Variants in RYR1 observed in about 807,000 individuals in gnomAD.
The protein encoded by RYR1 is ryanodine receptor 1.
RYR1 carries 342 observed loss-of-function variants against 583.5 expected under a neutral mutation model. The ratio of observed to expected loss-of-function variants is 0.59; its 90% CI spans 0.54 to 0.64. The LOEUF is 0.64. RYR1 is among the 30% of genes least tolerant of loss of function. RYR1 has a pLI of 0.00. For missense variants in RYR1, 6,032 were observed against 6,917.2 expected (o/e 0.87, Z 4.54); for synonymous variants, 2,791 against 2,822.5 (o/e 0.99, Z 0.35).
chr19:38,484,588 A>G (rs909882552), intron 33 of RYR1, among the ~76,000 whole-genome samples: 1 of 152,144 alleles, frequency 6.6e-6, no homozygotes, highest in Non-Finnish European at 1.5e-5. Flanking sequence ...TAATGCTTGT[A>G]CATAACTCAG....
intron 84 of RYR1, among the ~76,000 whole-genome samples, chr19:38,539,100 T>C (rs1358758246): frequency 6.6e-6 from 1 of 152,200 alleles, no homozygotes; most frequent in African/African-American, 2.4e-5. Context: ...TTTGTAAATA[T>C]CTTTAATCTT....
At chr19:38,563,823 A>G (rs993317868) in intron 90 of RYR1, among the ~76,000 whole-genome samples, 3 of 152,176 alleles carry the variant, frequency 2.0e-5, no homozygotes, top group Admixed American at 2.0e-4. Flanking sequence ...AAACACATCC[A>G]TTCTGGAGCC....
At position 38,500,998 on chromosome 19, in the gene RYR1, A is replaced by C. The variant is rs1600826316; in HGVS notation, c.7614+8A>C. The C allele has an allele frequency of 6.2e-7, 1 of 1,611,984 alleles. No individual in the cohort carries two copies. On this transcript the variant is annotated splice_region_variant and intron_variant, in intron 47 of 105. Transcript: ENST00000359596. This position sits in a 1 kb window ranked among gnomAD's most constrained non-coding sequence, Gnocchi z 5.9. ...GCCGCCTCGCTGGACACGGTGAGCA[A>C]CCCTGCCCAGCCTGGCCACCCTCCC...
Position 38,496,850 on chromosome 19 carries a change from GC to G in RYR1, c.6797-6del, listed in dbSNP as rs1969854685. ...GAGTGAGATGTTCTCCCCACCTCTC[GC>G]CCCTGCAGGCATGCAGGGCTCCACG... On this transcript the variant is annotated splice_polypyrimidine_tract_variant and intron_variant, in intron 41 of 105. Coordinates refer to ENST00000359596, the MANE Select transcript of RYR1 (RefSeq NM_000540.3). The surrounding 1 kb of genome is among the most constrained non-coding windows in gnomAD (Gnocchi z 4.8). The G allele has an allele frequency of 6.2e-7, 1 of 1,609,392 alleles. No homozygotes were observed. The highest frequency in any genetic ancestry group is 8.5e-7 in the Non-Finnish European group (1 of 1,176,394).
chr19:38,492,500 A>G lies in RYR1; in HGVS notation c.6138A>G (p.Leu2046=), dbSNP rs551228795. 251 of 1,614,160 alleles carry G rather than the reference A, an allele frequency of 1.6e-4. 3 individuals are homozygous for G. The South Asian group carries it at 2.4e-3, about 16-fold the overall frequency. ...QDLLAHCGIQ[L]DGEEEEPEEE... ...CTTGACCACTTCCAGGAATTCAGCT[A>G]GATGGAGAGGAGGAGGAACCAGAGG... is the stretch of plus-strand genomic sequence containing the variant. Residue 2046 remains leucine, a synonymous_variant, in exon 38 of 106, where the codon CTA becomes CTG. Transcript: ENST00000359596.
chr19:38,586,214 C>G, intron 104 of RYR1, 23 bp downstream of exon 104: 1 of 1,604,972 alleles, frequency 6.2e-7, no homozygotes, highest in Non-Finnish European at 8.5e-7. Flanking sequence ...ACTGGCCAGT[C>G]AGGAGGGTGG....
Position 38,565,759 on chromosome 19 carries a change from G to C in RYR1, c.13425G>C (p.Lys4475Asn). Residue 4475 changes from lysine to asparagine, a missense_variant, in exon 91 of 106, where the codon AAG becomes AAC. This residue lies in a region of RYR1 where 753 missense variants were observed against 759.6 expected (regional missense o/e 0.99). Transcript: ENST00000359596. This position sits in a 1 kb window ranked among gnomAD's most constrained non-coding sequence, Gnocchi z 4.7. ...CACCCGAGGGCTCTCCCATCCTCAA[G>C]AGGAAATTGGGGGTGAGAGAGCAGG... ...PPTPEGSPIL[K>N]RKLGVDGVEE... is the part of the protein sequence containing the mutation. 7.1e-7 allele frequency: 1 copy of C among 1,409,908 alleles called. No homozygotes were observed. Among genetic ancestry groups the C allele is most frequent in the Non-Finnish European group, 9.2e-7 (1 of 1,090,458 alleles). The allele number at this position is 1,409,908 out of a possible 1,614,324, so 87.3% of individuals were successfully genotyped here. A position where few individuals can be genotyped will look rare whatever the true frequency, so the allele number is the denominator to read the frequency against.
Position 38,517,679 on chromosome 19 carries a change from A to C in RYR1, c.10006A>C (p.Lys3336Gln), listed in dbSNP as rs1349466519. 6.2e-7 allele frequency: 1 copy of C among 1,614,052 alleles called. No individual in the cohort carries two copies. The change falls in exon 66 of 106, where the codon AAG becomes CAG. Residue 3336 changes from lysine (K) to glutamine (Q), a missense_variant. Coordinates refer to ENST00000359596, the MANE Select transcript of RYR1 (RefSeq NM_000540.3). Reference protein sequence around the residue: ...NLGIDEASWMKRLAVFAQPIV... With the variant: ...NLGIDEASWMQRLAVFAQPIV... ...GGGCATTGACGAGGCCTCCTGGATG[A>C]AGCGGCTGGCTGGTGGGTCGGGGGG...
Position 38,525,414 on chromosome 19 carries a change from C to T in RYR1, c.10538C>T (p.Thr3513Ile). The change falls in exon 71 of 106, where the codon ACA (threonine) becomes ATA (isoleucine). Residue 3513 changes from threonine to isoleucine, a missense_variant. Coordinates refer to ENST00000359596, the MANE Select transcript of RYR1 (RefSeq NM_000540.3). ...YSVQTSLIVA[T>I]LKKMLPIGLN... ...GTGCAGACGTCACTGATCGTGGCCA[C>T]ACTGAAGAAGATGCTGCCCATCGGC... The T allele has an allele frequency of 6.2e-7, 1 of 1,614,046 alleles. No individual in the cohort carries two copies. Among genetic ancestry groups the T allele is most frequent in the Non-Finnish European group, 8.5e-7 (1 of 1,179,986 alleles).
intron 72 of RYR1, among the ~76,000 whole-genome samples, chr19:38,527,282 G>A (rs765878093): frequency 3.3e-5 from 5 of 152,018 alleles, no homozygotes; most frequent in Non-Finnish European, 7.4e-5. Context: ...AGGCCAAGGC[G>A]GGCAGATCAC....
At chr19:38,465,430 C>T (rs558790317) in intron 23 of RYR1, among the ~76,000 whole-genome samples, 7 of 151,802 alleles carry the variant, frequency 4.6e-5, no homozygotes, top group South Asian at 2.1e-4. Context: ...ATTGCACCAC[C>T]GCACTCCAGC....
intron 24 of RYR1, 38 bp from the exon 25 acceptor site, chr19:38,467,572 T>C (rs766672921): frequency 6.8e-6 from 11 of 1,610,080 alleles, no homozygotes; most frequent in Non-Finnish European, 8.5e-6. Context: ...ATCCACATCT[T>C]CCCTAGCCTC....
intron 34 of RYR1, among the ~76,000 whole-genome samples, chr19:38,488,270 T>C (rs1969387159): frequency 6.6e-6 from 1 of 152,090 alleles, no homozygotes; most frequent in African/African-American, 2.4e-5. Flanking sequence ...CTATACATCA[T>C]TTATCCTTCT....
At chr19:38,463,257 G>A (rs866848016) in intron 20 of RYR1, among the ~76,000 whole-genome samples, 166 bp from the exon 21 acceptor site, 4 of 150,552 alleles carry the variant, frequency 2.7e-5, no homozygotes, top group African/African-American at 9.8e-5. Context: ...CCATCTGAGT[G>A]TCAACCCTGG....
chr19:38,466,504 T>A, intron 24 of RYR1, 106 bp downstream of exon 24: 8 of 632,580 alleles, frequency 1.3e-5, no homozygotes, highest in Non-Finnish European at 1.8e-5. Flanking sequence ...GCTATATCTT[T>A]TTTTTTTTTT....
In RYR1 at chr19:38,585,369, GAT is replaced by G. The variant is rs3039200; in HGVS notation, c.14803+287_14803+288del. On this transcript the variant is annotated intron_variant, in intron 102 of 105. Coordinates refer to ENST00000359596, the MANE Select transcript of RYR1 (RefSeq NM_000540.3). ...ATATGAGTGCTCAATAAAGGCCTGA[GAT>G]ATATATATATATATATGTTTATTTA... 2.3e-4 allele frequency among the ~76,000 whole-genome samples: 32 copies of G among 141,034 alleles called. 1 individual carries two copies. The highest frequency in any genetic ancestry group is 4.2e-4 in the African/African-American group (16 of 38,462). 92.5% of individuals were successfully genotyped at this position (141,034 alleles called of 152,430 possible).
rs1457662393 is a variant in RYR1, at chr19:38,575,917, A to G, written c.14130-2A>G. ...TCACGCTTTCTCTCTCTCTCTCTGC[A>G]GGTCTTTCCCTAGCAACTACTGGGA... On this transcript the variant is annotated splice_acceptor_variant, in intron 96 of 105. Transcript: ENST00000359596. LOFTEE classifies it high-confidence loss of function. 6.2e-7 allele frequency: 1 copy of G among 1,614,020 alleles called. No individual in the cohort carries two copies. The highest frequency in any genetic ancestry group is 8.5e-7 in the Non-Finnish European group (1 of 1,180,016).
chr19:38,534,102 C>G (rs1043867206), intron 78 of RYR1, among the ~76,000 whole-genome samples: 8 of 151,032 alleles, frequency 5.3e-5, no homozygotes, highest in African/African-American at 1.9e-4. Context: ...ACCTCCACCT[C>G]CCGGGTTCAA....
At chr19:38,587,251 TAA>T in intron 105 of RYR1, 72 bp from the exon 106 acceptor site, 3 of 1,044,890 alleles carry the variant, frequency 2.9e-6, no homozygotes, top group Admixed American at 1.8e-5. Flanking sequence ...ACACCCTGTC[TAA>T]AAATATATAT....
Sources: gnomAD v4.1 joint callset for allele counts (sites outside exome capture counted in the v4.1 genomes callset) on GRCh38, gnomAD v4.1.1 for gene constraint, gnomAD v4.1.1 regional missense constraint, Gnocchi (gnomAD v3.1) non-coding constraint, MANE v1.5 for transcripts, NCBI Gene and HGNC (gene_info 2026-07-23, HGNC 2026-07-21) for gene names.